Variants in PAPSS1 observed in about 807,000 individuals in gnomAD.
PAPSS1 encodes bifunctional 3'-phosphoadenosine 5'-phosphosulfate synthase 1.
A neutral mutation model predicts 72.0 loss-of-function variants in PAPSS1; 50 were observed. That is an observed-to-expected ratio of 0.69 (90% CI 0.55 to 0.88). The LOEUF (loss-of-function observed/expected upper bound fraction) is 0.88, where lower values mean the gene tolerates loss of function less well. Among genes scored for constraint, PAPSS1 ranks in the 40% least tolerant of loss-of-function variants. The probability of loss-of-function intolerance (pLI) is 0.00; values close to 1 mark genes in which losing one functional copy is unlikely to be tolerated. For synonymous variants in PAPSS1, 261 were observed against 263.6 expected (o/e 0.99, Z 0.09); for missense variants, 657 against 782.2 (o/e 0.84, Z 1.91).
chr4:107,628,181 A>G (rs1278851051), intron 11 of PAPSS1, among the ~76,000 whole-genome samples: 4 of 152,168 alleles, frequency 2.6e-5, no homozygotes, highest in African/African-American at 7.2e-5. Context: ...GCTACAGTTC[A>G]TCGCTCAGAA....
At chr4:107,695,718 G>A (rs576467230) in intron 2 of PAPSS1, among the ~76,000 whole-genome samples, 14 of 152,082 alleles carry the variant, frequency 9.2e-5, no homozygotes, top group Non-Finnish European at 1.9e-4. Context: ...TTTTATCAAA[G>A]GCCCTTCCTG....
chr4:107,649,070 AC>A (rs1446955425), intron 9 of PAPSS1, among the ~76,000 whole-genome samples: 1 of 152,190 alleles, frequency 6.6e-6, no homozygotes, highest in Admixed American at 6.5e-5. Context: ...CTTTGTGCCA[AC>A]TGGGTTCTGT....
intron 1 of PAPSS1, among the ~76,000 whole-genome samples, chr4:107,708,909 A>G (rs922695640): frequency 6.6e-6 from 1 of 152,260 alleles, no homozygotes; most frequent in African/African-American, 2.4e-5. Flanking sequence ...TGTGCCAATG[A>G]CTGAGTTTTG....
intron 5 of PAPSS1, among the ~76,000 whole-genome samples, chr4:107,677,589 G>T (rs928236863): frequency 2.6e-5 from 4 of 152,198 alleles, no homozygotes; most frequent in Non-Finnish European, 5.9e-5. Context: ...CTGTTGGTGG[G>T]ACTATAAACT....
At chr4:107,689,347 A>T (rs1322708542) in intron 3 of PAPSS1, among the ~76,000 whole-genome samples, 1 of 152,100 alleles carries the variant, frequency 6.6e-6, no homozygotes, top group Non-Finnish European at 1.5e-5. Context: ...TCCCCACGCC[A>T]CAACCCAACC....
At chr4:107,656,857 T>C (rs1398673004) in intron 7 of PAPSS1, 39 bp downstream of exon 7, 1 of 1,336,950 alleles carries the variant, frequency 7.5e-7, no homozygotes. Flanking sequence ...GTAATTTCTC[T>C]TCCACATACA....
At chr4:107,688,654 C>T (rs565676822) in intron 3 of PAPSS1, among the ~76,000 whole-genome samples, 8 of 152,242 alleles carry the variant, frequency 5.3e-5, no homozygotes, top group South Asian at 2.1e-4. Flanking sequence ...TCCCTTAACA[C>T]TGGAGTTGCC....
At chr4:107,713,718 AC>A (rs1723560151) in intron 1 of PAPSS1, among the ~76,000 whole-genome samples, 1 of 151,666 alleles carries the variant, frequency 6.6e-6, no homozygotes, top group Admixed American at 6.6e-5. Context: ...AGGTCATACC[AC>A]TGCACTCTAG....
At chr4:107,714,410 G>A (rs137905842) in intron 1 of PAPSS1, among the ~76,000 whole-genome samples, 1,785 of 151,964 alleles carry the variant, frequency 0.012, 26 homozygotes, top group Non-Finnish European at 0.019. Context: ...CTCTACTACC[G>A]CTTAACACCA....
intron 4 of PAPSS1, among the ~76,000 whole-genome samples, chr4:107,685,779 A>G (rs1722767469): frequency 6.6e-6 from 1 of 152,220 alleles, no homozygotes; most frequent in Admixed American, 6.5e-5. Context: ...AGAAGAACCC[A>G]GAATAACTAC....
At chr4:107,616,820 A>G (rs1725833423) in intron 11 of PAPSS1, among the ~76,000 whole-genome samples, 1 of 152,210 alleles carries the variant, frequency 6.6e-6, no homozygotes, top group South Asian at 2.1e-4. Context: ...TGAACACATA[A>G]ATACATAATA....
chr4:107,705,031 T>A (rs1347102255), intron 1 of PAPSS1, among the ~76,000 whole-genome samples: 1 of 152,150 alleles, frequency 6.6e-6, no homozygotes, highest in Non-Finnish European at 1.5e-5. Context: ...GGAGGAATGA[T>A]CCTTTAATGT....
At chr4:107,718,065 G>GTCTA (rs1190045922) in intron 1 of PAPSS1, among the ~76,000 whole-genome samples, 1 of 152,116 alleles carries the variant, frequency 6.6e-6, no homozygotes, top group Non-Finnish European at 1.5e-5. Flanking sequence ...TCCTACCAGG[G>GTCTA]TCTACATTTC....
chr4:107,679,968 A>G (rs17037984), intron 5 of PAPSS1, among the ~76,000 whole-genome samples: 4,558 of 152,254 alleles, frequency 0.03, 223 homozygotes, highest in African/African-American at 0.1. Flanking sequence ...GAGCCTATCA[A>G]TATATTGGAT....
At chr4:107,649,198 T>C (rs1004740892) in intron 9 of PAPSS1, among the ~76,000 whole-genome samples, 2 of 152,192 alleles carry the variant, frequency 1.3e-5, no homozygotes, top group Non-Finnish European at 2.9e-5. Flanking sequence ...TTGAGGGTGG[T>C]GGCATTAGCA....
intron 5 of PAPSS1, among the ~76,000 whole-genome samples, chr4:107,660,513 C>T (rs762891687): frequency 8.5e-5 from 13 of 152,124 alleles, no homozygotes; most frequent in South Asian, 2.1e-4. Flanking sequence ...CCAAGCAACA[C>T]GGTATTCTAG....
chr4:107,662,076 C>A (rs1727196812), intron 5 of PAPSS1, among the ~76,000 whole-genome samples: 1 of 152,098 alleles, frequency 6.6e-6, no homozygotes, highest in South Asian at 2.1e-4. Flanking sequence ...AATAAATAAA[C>A]AAGAAGAATA....
At chr4:107,689,293 C>T (rs928180807) in intron 3 of PAPSS1, among the ~76,000 whole-genome samples, 4 of 152,180 alleles carry the variant, frequency 2.6e-5, no homozygotes, top group African/African-American at 7.2e-5. Flanking sequence ...ACTTGATGCT[C>T]TATTGATAAT....
intron 11 of PAPSS1, among the ~76,000 whole-genome samples, chr4:107,630,356 G>A (rs558389221): frequency 7.4e-4 from 112 of 152,268 alleles, no homozygotes; most frequent in African/African-American, 2.6e-3. Context: ...CACATGTCAG[G>A]GGAGGAACCT....
Sources: allele counts gnomAD v4.1 joint callset (sites outside exome capture counted in the v4.1 genomes callset), GRCh38; gene constraint gnomAD v4.1.1; transcripts MANE v1.5; gene names NCBI Gene and HGNC (gene_info 2026-07-23, HGNC 2026-07-21).